COL28A1: variants seen among roughly 807,000 people sequenced by gnomAD.
COL28A1 encodes the protein collagen alpha-1(XXVIII) chain.
In COL28A1, 161 loss-of-function variants were observed where a neutral mutation model predicts 150.2. That is an observed-to-expected ratio of 1.07 (90% CI 0.94 to 1.22). The LOEUF is 1.22. COL28A1 is among the 50% of genes most tolerant of loss of function. The pLI is 0.00. For missense variants in COL28A1, 1,617 were observed against 1,388.3 expected (o/e 1.16, Z -2.62); for synonymous variants, 552 against 469.7 (o/e 1.18, Z -2.26).
At chr7:7,415,398 G>A (rs1386186244) in intron 27 of COL28A1, among the ~76,000 whole-genome samples, 2 of 152,226 alleles carry the variant, frequency 1.3e-5, no homozygotes, top group East Asian at 1.9e-4. Context: ...TGCAGTGATG[G>A]TATTTCGTCG....
chr7:7,517,341 C>A (rs1226143111), intron 7 of COL28A1, among the ~76,000 whole-genome samples: 3 of 152,068 alleles, frequency 2.0e-5, no homozygotes, highest in East Asian at 1.9e-4. Context: ...GTAATTAGTT[C>A]TTGGGCAATA....
At chr7:7,441,326 G>C (rs1243667090) in intron 20 of COL28A1, among the ~76,000 whole-genome samples, 4 of 151,934 alleles carry the variant, frequency 2.6e-5, no homozygotes, top group African/African-American at 9.7e-5. Context: ...TCCCCCAAAA[G>C]AGACCAATAG....
rs200294353 is a variant in COL28A1 at position 7,522,806 on chromosome 7, C to CAAAAAAAAAAAAAAAAAAAAAAAA, written c.703-869_703-846dup. 3.5e-4 allele frequency among the ~76,000 whole-genome samples: 33 copies of CAAAAAAAAAAAAAAAAAAAAAAAA among 93,164 alleles called. 1 individual carries two copies. Among genetic ancestry groups the CAAAAAAAAAAAAAAAAAAAAAAAA allele is most frequent in the Admixed American group, 5.3e-4 (5 of 9,476 alleles). 61.1% of individuals were successfully genotyped at this position (93,164 alleles called of 152,430 possible). On this transcript the variant is annotated intron_variant, in intron 4 of 34. Coordinates refer to ENST00000399429, the MANE Select transcript of COL28A1 (RefSeq NM_001037763.3). ...ACTAACACTAACGATAGCTGAAGAG[C>CAAAAAAAAAAAAAAAAAAAAAAAA]AAAAAAAAAAAAAAAAAAAAAAAAA...
chr7:7,398,668 A>G (rs755306884), intron 27 of COL28A1, among the ~76,000 whole-genome samples: 72 of 152,204 alleles, frequency 4.7e-4, no homozygotes, highest in Non-Finnish European at 8.5e-4. Context: ...CTAAACAGCT[A>G]TCTGTAAAAC....
chr7:7,535,433 T>C (rs1053501756), intron 1 of COL28A1, among the ~76,000 whole-genome samples: 4 of 152,176 alleles, frequency 2.6e-5, no homozygotes, highest in African/African-American at 9.6e-5. Context: ...TTGTAAAGTA[T>C]TCTATAACTA....
chr7:7,539,939 T>A (rs572764885), upstream of COL28A1, among the ~76,000 whole-genome samples: 12 of 152,328 alleles, frequency 7.9e-5, no homozygotes, highest in South Asian at 2.5e-3. Context: ...TAGGCTACAG[T>A]GACAGGCTAA....
intron 25 of COL28A1, among the ~76,000 whole-genome samples, chr7:7,430,166 G>A (rs942822999): frequency 2.0e-5 from 3 of 151,910 alleles, no homozygotes; most frequent in South Asian, 2.1e-4. Flanking sequence ...TCGCTCTGTC[G>A]CCCAGGCTGG....
At chr7:7,458,348 G>T (rs1787338352) in intron 15 of COL28A1, among the ~76,000 whole-genome samples, 1 of 151,900 alleles carries the variant, frequency 6.6e-6, no homozygotes, top group Admixed American at 6.6e-5. Flanking sequence ...CCGGGGAGGT[G>T]AATGGTGCAG....
intron 27 of COL28A1, among the ~76,000 whole-genome samples, chr7:7,408,828 T>G (rs1389347672): frequency 6.6e-6 from 1 of 152,196 alleles, no homozygotes; most frequent in Non-Finnish European, 1.5e-5. Flanking sequence ...CACATCTCCA[T>G]GTGTCAACTT....
intron 18 of COL28A1, 79 bp downstream of exon 18, chr7:7,452,240 T>C: frequency 6.4e-7 from 1 of 1,560,178 alleles, no homozygotes. Context: ...ACAGAGTCTG[T>C]AAGGCAATTG....
chr7:7,527,245 C>T (rs1782075610), intron 3 of COL28A1, among the ~76,000 whole-genome samples: 1 of 152,174 alleles, frequency 6.6e-6, no homozygotes, highest in African/African-American at 2.4e-5. Context: ...CTCTTATAGG[C>T]TATAAGCCCC....
rs1259981534 is a variant in COL28A1, at chr7:7,427,672, T to C, written c.1998+4801A>G. Among the ~76,000 whole-genome samples, 4 of 152,362 alleles carry C rather than the reference T, an allele frequency of 2.6e-5. No homozygotes were observed. The East Asian group carries it at 7.7e-4, about 29-fold the overall frequency. On this transcript the variant is annotated intron_variant, in intron 25 of 34. Coordinates refer to ENST00000399429, the MANE Select transcript of COL28A1 (RefSeq NM_001037763.3). ...CACATAGACTTGCATTTTATGGCTA[T>C]GGGTCACTTTTGTCAAATAAAGCAT... is the stretch of plus-strand genomic sequence containing the variant.
intron 27 of COL28A1, among the ~76,000 whole-genome samples, chr7:7,405,618 G>T (rs1783450713): frequency 6.6e-6 from 1 of 152,152 alleles, no homozygotes; most frequent in Non-Finnish European, 1.5e-5. Context: ...GAATTGTAAT[G>T]AATGTGTTAG....
rs569812226 is a variant in COL28A1 at position 7,371,545 on chromosome 7, C to A, written c.2909-663G>T. ...GGCACTGATGGGCTGTGCCCAGCCA[C>A]ATCAGACTCCACTCCCAGGTGGGTG... On this transcript the variant is annotated intron_variant, in intron 32 of 34. Transcript: ENST00000399429. Among the ~76,000 whole-genome samples the A allele has an allele frequency of 2.0e-5, 3 of 152,346 alleles. No homozygotes were observed. The South Asian group carries it at 6.2e-4, about 32-fold the overall frequency.
At chr7:7,502,271 C>T (rs1198554183) in intron 11 of COL28A1, among the ~76,000 whole-genome samples, 1 of 152,176 alleles carries the variant, frequency 6.6e-6, no homozygotes, top group African/African-American at 2.4e-5. Flanking sequence ...TGAGCTAAGG[C>T]TTCTTTCTGA....
chr7:7,477,744 G>A (rs1408248736), intron 13 of COL28A1, among the ~76,000 whole-genome samples: 2 of 152,206 alleles, frequency 1.3e-5, no homozygotes, highest in Non-Finnish European at 2.9e-5. Context: ...ACAGCAAACA[G>A]CAAAAGAACA....
intron 13 of COL28A1, among the ~76,000 whole-genome samples, 163 bp downstream of exon 13, chr7:7,489,226 T>C (rs1365068960): frequency 6.6e-6 from 1 of 152,172 alleles, no homozygotes; most frequent in Admixed American, 6.5e-5. Context: ...GCCGAGATCA[T>C]GCCACTGCAT....
At chr7:7,460,894 C>T (rs774206280) in intron 15 of COL28A1, among the ~76,000 whole-genome samples, 1 of 152,072 alleles carries the variant, frequency 6.6e-6, no homozygotes, top group Non-Finnish European at 1.5e-5. Flanking sequence ...TGGAGATCAT[C>T]GTGGACAGGA....
In COL28A1 at chr7:7,444,486, C is replaced by A. The variant is rs1391898808; in HGVS notation, c.1513G>T (p.Glu505Ter). Reference sequence around the variant, plus strand: ...CCTGGGAGCCCTATTGAGCCTGGCTCTCCCTGGTGAATGAACAAATATTTT... The same window carrying A: ...CCTGGGAGCCCTATTGAGCCTGGCTATCCCTGGTGAATGAACAAATATTTT... ...VGIGVQGPKG[E>*]PGSIGLPGQP... Residue 505 changes from glutamate (E) to a stop codon, truncating the protein, a stop_gained, in exon 19 of 35, where the codon GAG becomes TAG. Coordinates refer to ENST00000399429, the MANE Select transcript of COL28A1 (RefSeq NM_001037763.3). LOFTEE classifies it high-confidence loss of function. 6.2e-7 allele frequency: 1 copy of A among 1,613,806 alleles called. No homozygotes were observed. Among genetic ancestry groups the A allele is most frequent in the Non-Finnish European group, 8.5e-7 (1 of 1,179,834 alleles).
Sources: allele counts gnomAD v4.1 joint callset (sites outside exome capture counted in the v4.1 genomes callset), GRCh38; gene constraint gnomAD v4.1.1; transcripts MANE v1.5; gene names NCBI Gene and HGNC (gene_info 2026-07-23, HGNC 2026-07-21).